Variants in RYR3 observed in about 807,000 individuals in gnomAD.
RYR3 encodes brain ryanodine receptor-calcium release channel.
RYR3 carries 207 observed loss-of-function variants against 584.3 expected under a neutral mutation model. The observed-to-expected ratio is 0.35, with a 90% CI of 0.32 to 0.40. The LOEUF is 0.40. RYR3 is among the 10% of genes least tolerant of loss of function. The pLI is 1.00. For missense variants in RYR3, 5,616 were observed against 6,089.2 expected, an observed-to-expected ratio of 0.92 and a Z score of 2.59; for synonymous variants, 2,416 against 2,248.5, an observed-to-expected ratio of 1.07 and a Z score of -2.11.
intron 1 of RYR3, among the ~76,000 whole-genome samples, chr15:33,408,992 G>A (rs1176700643): frequency 1.3e-5 from 2 of 152,172 alleles, no homozygotes; most frequent in Non-Finnish European, 2.9e-5. Context: ...CTCTGTGTAT[G>A]TGTATTCAGA....
At chr15:33,439,956 A>T (rs2046080192) in intron 1 of RYR3, among the ~76,000 whole-genome samples, 1 of 152,134 alleles carries the variant, frequency 6.6e-6, no homozygotes, top group Non-Finnish European at 1.5e-5. Flanking sequence ...ATAAAAACGA[A>T]TTTGTTTTAA....
chr15:33,756,804 G>A (rs1194698418), intron 59 of RYR3, among the ~76,000 whole-genome samples: 1 of 152,100 alleles, frequency 6.6e-6, no homozygotes, highest in African/African-American at 2.4e-5. Flanking sequence ...GAGATGACAG[G>A]TTTACCCTTA....
At chr15:33,554,215 T>C (rs1252111566) in intron 10 of RYR3, among the ~76,000 whole-genome samples, 2 of 151,980 alleles carry the variant, frequency 1.3e-5, no homozygotes, top group Non-Finnish European at 2.9e-5. Context: ...GTTTGAAAAA[T>C]GCTTGCTGAA....
intron 12 of RYR3, among the ~76,000 whole-genome samples, chr15:33,567,729 T>G (rs774684294): frequency 9.2e-5 from 14 of 152,190 alleles, no homozygotes; most frequent in Non-Finnish European, 1.9e-4. Context: ...AGCATCAGCA[T>G]CACTTGCAAA....
At chr15:33,829,663 G>C (rs1374742187) in intron 85 of RYR3, among the ~76,000 whole-genome samples, 2 of 151,744 alleles carry the variant, frequency 1.3e-5, no homozygotes, top group Non-Finnish European at 2.9e-5. Flanking sequence ...TGAGGCAGGA[G>C]AATGGCGTGA....
chr15:33,372,474 C>T (rs1390589837), intron 1 of RYR3, among the ~76,000 whole-genome samples: 1 of 150,956 alleles, frequency 6.6e-6, no homozygotes, highest in African/African-American at 2.4e-5. Context: ...ACACCATTCT[C>T]CTCCCTCACC....
intron 18 of RYR3, among the ~76,000 whole-genome samples, chr15:33,608,421 G>T (rs2060011304): frequency 6.6e-6 from 1 of 152,230 alleles, no homozygotes; most frequent in Non-Finnish European, 1.5e-5. Context: ...TTCTCTGCAT[G>T]TGAGGAGATT....
rs530276258 is a variant in RYR3, at chr15:33,526,785, C to T, written c.280-3807C>T. On this transcript the variant is annotated intron_variant, in intron 3 of 103. Transcript: ENST00000634891. The stretch of plus-strand genomic sequence containing the variant: ...CAGAGGATACAACATGGTCATGGAG[C>T]TTATATTCTAGGGGGAGAGAGAATA... 1.1e-4 allele frequency among the ~76,000 whole-genome samples: 16 copies of T among 152,116 alleles called. No individual in the cohort carries two copies. In the East Asian group the frequency reaches 3.1e-3, roughly 29 times the overall value.
intron 10 of RYR3, among the ~76,000 whole-genome samples, chr15:33,557,305 A>T (rs752843562): frequency 6.6e-6 from 1 of 152,204 alleles, no homozygotes; most frequent in African/African-American, 2.4e-5. Context: ...GCGTGATGGC[A>T]TTTTCATTGT....
rs1425978893 is a variant in RYR3 at position 33,772,020 on chromosome 15, C to T, written c.8917C>T (p.Leu2973Phe). ...GGAGAAGACTTCAGAAAACCTGAAA[C>T]TTGGGAAGTTCACCCATTCCCGAAC... is the stretch of plus-strand genomic sequence containing the variant. ...DLEKTSENLK[L>F]GKFTHSRTQI... Residue 2973 changes from leucine to phenylalanine, a missense_variant, in exon 63 of 104, where the codon CTT becomes TTT. Transcript: ENST00000634891. 5.6e-6 allele frequency: 9 copies of T among 1,613,680 alleles called. No homozygotes were observed. The highest frequency in any genetic ancestry group is 7.6e-6 in the Non-Finnish European group (9 of 1,179,742).
rs2078186087 is a variant in RYR3, at chr15:33,838,751, G to C, written c.12771G>C (p.Glu4257Asp). 6.2e-7 allele frequency: 1 copy of C among 1,613,798 alleles called. No homozygotes were observed. The highest frequency in any genetic ancestry group is 1.7e-5 in the Admixed American group (1 of 60,002). The change falls in exon 89 of 104, where the codon GAG becomes GAC. Residue 4257 changes from glutamate (E) to aspartate (D), a missense_variant. By Grantham distance (45) the Glu-to-Asp change is conservative. Coordinates refer to ENST00000634891, the MANE Select transcript of RYR3 (RefSeq NM_001036.6). Reference protein sequence around the residue: ...TMEAERAEVMEPGITTELVHF... With the variant: ...TMEAERAEVMDPGITTELVHF... ...AGGCTGAGAGGGCAGAGGTGATGGA[G>C]CCAGGTATCACCACTGAACTAGTAC...
intron 1 of RYR3, among the ~76,000 whole-genome samples, chr15:33,400,491 G>A (rs146948788): frequency 1.9e-4 from 29 of 152,284 alleles, no homozygotes; most frequent in African/African-American, 6.7e-4. Context: ...GGAAAAGCAG[G>A]TGAGCTCCTG....
At chr15:33,372,382 T>C (rs1297487494) in intron 1 of RYR3, among the ~76,000 whole-genome samples, 1 of 141,902 alleles carries the variant, frequency 7.0e-6, no homozygotes, top group East Asian at 2.0e-4. Flanking sequence ...TTTTTTTTTT[T>C]TGGAGGTGGA....
intron 20 of RYR3, among the ~76,000 whole-genome samples, chr15:33,625,292 C>T (rs2060928260): frequency 6.6e-6 from 1 of 152,184 alleles, no homozygotes; most frequent in African/African-American, 2.4e-5. Flanking sequence ...CTTCCCCCGA[C>T]ATGTGGGAAT....
chr15:33,350,457 A>C (rs1347532044), intron 1 of RYR3, among the ~76,000 whole-genome samples: 2 of 151,534 alleles, frequency 1.3e-5, no homozygotes, highest in Non-Finnish European at 3.0e-5. Context: ...CAGAATATAC[A>C]TTTTTTTCAG....
intron 67 of RYR3, among the ~76,000 whole-genome samples, chr15:33,795,549 T>G (rs1458251860): frequency 6.6e-6 from 1 of 151,872 alleles, no homozygotes; most frequent in African/African-American, 2.4e-5. Context: ...CATGCGCCAC[T>G]ACGCCTGGCT....
At chr15:33,423,841 A>G (rs1235583805) in intron 1 of RYR3, among the ~76,000 whole-genome samples, 5 of 152,190 alleles carry the variant, frequency 3.3e-5, no homozygotes, top group Non-Finnish European at 7.3e-5. Context: ...AATTGATTAT[A>G]GACTTTTATT....
chr15:33,511,439 G>A (rs1352078603), intron 3 of RYR3, among the ~76,000 whole-genome samples: 1 of 148,270 alleles, frequency 6.7e-6, no homozygotes, highest in Non-Finnish European at 1.5e-5. Context: ...TTACTGTTTT[G>A]TTTTTGATTT....
intron 60 of RYR3, among the ~76,000 whole-genome samples, chr15:33,765,578 A>G (rs560071062): frequency 4.3e-4 from 62 of 142,610 alleles, no homozygotes; most frequent in African/African-American, 1.4e-3. Flanking sequence ...GGTTGCAGTG[A>G]GCCGAGATGG....
Sources: allele counts gnomAD v4.1 joint callset (sites outside exome capture counted in the v4.1 genomes callset), GRCh38; gene constraint gnomAD v4.1.1; transcripts MANE v1.5; gene names NCBI Gene and HGNC (gene_info 2026-07-23, HGNC 2026-07-21).